Variants in CRYBG1 observed in about 807,000 individuals in gnomAD.
CRYBG1 encodes the protein crystallin beta-gamma domain containing 1, also known as beta/gamma crystallin domain-containing protein 1.
Under a neutral mutation model 189.2 loss-of-function variants are expected in CRYBG1, and 139 were observed. The ratio of observed to expected loss-of-function variants is 0.73; its 90% CI spans 0.64 to 0.85. CRYBG1 has a LOEUF of 0.85. Among genes scored for constraint, CRYBG1 ranks in the 40% least tolerant of loss-of-function variants. The pLI is 0.00. For missense variants in CRYBG1, 2,611 were observed against 2,675.8 expected (o/e 0.98, Z 0.53); for synonymous variants, 1,023 against 1,017.1 (o/e 1.01, Z -0.11).
intron 1 of CRYBG1, among the ~76,000 whole-genome samples, chr6:106,432,699 G>A (rs772605642): frequency 4.6e-5 from 7 of 152,174 alleles, no homozygotes; most frequent in Non-Finnish European, 8.8e-5. Context: ...TGCCCACCAC[G>A]TGCACCTCCG....
Position 106,520,900 on chromosome 6 carries a change from G to A in CRYBG1, c.3692G>A (p.Gly1231Asp), listed in dbSNP as rs1292648038. ...GAGAACAGGGACGTCACAAATGGTG[G>A]CATTAAGAGATCGAGACTAGAAAAA... is the stretch of plus-strand genomic sequence containing the variant. Reference protein sequence around the residue: ...DKENRDVTNGGIKRSRLEKSA... With the variant: ...DKENRDVTNGDIKRSRLEKSA... Residue 1231 changes from glycine to aspartate, a missense_variant, in exon 4 of 22, where the codon GGC becomes GAC. By Grantham distance (94) the Gly-to-Asp change is moderately conservative. Around this residue, in one of 3 missense-constraint regions of CRYBG1, gnomAD observed 1,622 missense variants for 1,735.0 expected, o/e 0.93. Transcript: ENST00000633556. 2.5e-6 allele frequency: 4 copies of A among 1,614,146 alleles called. No individual in the cohort carries two copies. The South Asian group carries it at 3.3e-5, about 13-fold the overall frequency.
At chr6:106,436,046 A>T (rs1185210151) in intron 1 of CRYBG1, among the ~76,000 whole-genome samples, 2 of 152,246 alleles carry the variant, frequency 1.3e-5, no homozygotes, top group East Asian at 3.8e-4. Context: ...CTGTTCCATC[A>T]TCGGAGTTTT....
chr6:106,547,618 G>T (rs1473952792), intron 13 of CRYBG1, among the ~76,000 whole-genome samples: 3 of 152,126 alleles, frequency 2.0e-5, no homozygotes, highest in African/African-American at 7.2e-5. Flanking sequence ...TATTTTTATT[G>T]GCAATTAAGT....
intron 1 of CRYBG1, among the ~76,000 whole-genome samples, chr6:106,402,993 A>G (rs1770750946): frequency 6.6e-6 from 1 of 152,222 alleles, no homozygotes; most frequent in African/African-American, 2.4e-5. Context: ...TATCTAGAAC[A>G]TTAACGCACA....
At position 106,527,339 on chromosome 6, in the gene CRYBG1, C is replaced by T. The variant is rs756174128; in HGVS notation, c.4447C>T (p.His1483Tyr). ...GTATGAGCAACCAAATTTTGAAGGG[C>T]ACTCCATCCCCTTAGAAGAAGGAGA... ...ILYEQPNFEGHSIPLEEGELE... is the reference protein window; with the variant it reads ...ILYEQPNFEGYSIPLEEGELE... Residue 1483 changes from histidine (H) to tyrosine (Y), a missense_variant, in exon 7 of 22, where the codon CAC becomes TAC. His to Tyr is a moderately conservative substitution (Grantham distance 83). This residue lies in a region of CRYBG1 where 1,622 missense variants were observed against 1,735.0 expected (regional missense o/e 0.93). Transcript: ENST00000633556. 4.3e-6 allele frequency: 7 copies of T among 1,611,592 alleles called. No homozygotes were observed. The South Asian group carries it at 7.7e-5, about 18-fold the overall frequency.
At chr6:106,459,598 C>G (rs1480446092) in intron 2 of CRYBG1, among the ~76,000 whole-genome samples, 1 of 147,596 alleles carries the variant, frequency 6.8e-6, no homozygotes, top group Non-Finnish European at 1.5e-5. Context: ...CCATGTCAGT[C>G]TCTATAAAAA....
At chr6:106,470,098 C>T (rs1772199820) in intron 2 of CRYBG1, among the ~76,000 whole-genome samples, 1 of 152,184 alleles carries the variant, frequency 6.6e-6, no homozygotes, top group Non-Finnish European at 1.5e-5. Context: ...TGCAGTCACT[C>T]CTCTCCAGTC....
chr6:106,562,189 G>A (rs983892143), intron 20 of CRYBG1, among the ~76,000 whole-genome samples: 15 of 152,300 alleles, frequency 9.8e-5, no homozygotes, highest in South Asian at 8.3e-4. Context: ...ACAGCCTTGC[G>A]AAAAGGAGTA....
chr6:106,399,965 C>T (rs1249925246), intron 1 of CRYBG1, among the ~76,000 whole-genome samples: 3 of 151,548 alleles, frequency 2.0e-5, no homozygotes, highest in Admixed American at 2.0e-4. Flanking sequence ...GGTGAAACCC[C>T]GTCTATACTA....
At chr6:106,516,292 G>A (rs911053990) in intron 3 of CRYBG1, among the ~76,000 whole-genome samples, 2 of 151,328 alleles carry the variant, frequency 1.3e-5, no homozygotes, top group African/African-American at 4.9e-5. Context: ...GGAGTGTAGT[G>A]GCACAATCTT....
At chr6:106,502,592 T>G (rs1328335947) in intron 2 of CRYBG1, among the ~76,000 whole-genome samples, 1 of 152,186 alleles carries the variant, frequency 6.6e-6, no homozygotes, top group Non-Finnish European at 1.5e-5. Flanking sequence ...TAAAGCAAAT[T>G]AATTCAGCCG....
chr6:106,403,965 G>A (rs935592630), intron 1 of CRYBG1, among the ~76,000 whole-genome samples: 2 of 152,206 alleles, frequency 1.3e-5, no homozygotes, highest in Non-Finnish European at 2.9e-5. Flanking sequence ...AAGGATGTTA[G>A]GCATTCTAGA....
At position 106,478,696 on chromosome 6, in the gene CRYBG1, CAGG is replaced by C. The variant is rs562868907; in HGVS notation, c.312+26868_312+26870del. Among the ~76,000 whole-genome samples, 534 of 152,368 alleles carry C rather than the reference CAGG, an allele frequency of 3.5e-3. 1 individual carries two copies. The highest frequency in any genetic ancestry group is 5.3e-3 in the Non-Finnish European group (358 of 68,036). ...ACCTGTTAGGAACTGGGCTGCACAG[CAGG>C]AGGTGAGCGATGGGCATGCAAGCAA... On this transcript the variant is annotated intron_variant, in intron 2 of 21. Coordinates refer to ENST00000633556, the MANE Select transcript of CRYBG1 (RefSeq NM_001371242.2).
intron 2 of CRYBG1, among the ~76,000 whole-genome samples, chr6:106,466,709 C>T (rs1340617): frequency 0.06 from 9,166 of 152,146 alleles, 498 homozygotes; most frequent in East Asian, 0.21. Context: ...GGAAAGGTAT[C>T]AGAATCAAGG....
At chr6:106,556,267 T>C (rs2114591404) in intron 17 of CRYBG1, among the ~76,000 whole-genome samples, 1 of 152,334 alleles carries the variant, frequency 6.6e-6, no homozygotes, top group African/African-American at 2.4e-5. Flanking sequence ...TACTGAATAT[T>C]CTCTCATTCT....
intron 2 of CRYBG1, among the ~76,000 whole-genome samples, chr6:106,492,134 C>T (rs1180322149): frequency 6.6e-6 from 1 of 152,178 alleles, no homozygotes; most frequent in Non-Finnish European, 1.5e-5. Flanking sequence ...TAAAGCATTA[C>T]GCATATCTCA....
chr6:106,557,974 G>A (rs1169098207), intron 17 of CRYBG1, among the ~76,000 whole-genome samples: 1 of 151,788 alleles, frequency 6.6e-6, no homozygotes, highest in Non-Finnish European at 1.5e-5. Flanking sequence ...GAAAGTTTGG[G>A]AGCATGAGTA....
At position 106,409,375 on chromosome 6, in the gene CRYBG1, G is replaced by A. The variant is rs144937368; in HGVS notation, c.174-42319G>A. 5.7e-3 allele frequency among the ~76,000 whole-genome samples: 872 copies of A among 152,028 alleles called. 10 individuals are homozygous for A. The highest frequency in any genetic ancestry group is 0.02 in the African/African-American group (841 of 41,484). On this transcript the variant is annotated intron_variant, in intron 1 of 21. Coordinates refer to ENST00000633556, the MANE Select transcript of CRYBG1 (RefSeq NM_001371242.2). ...CCACTGCTCAAGGAAATAAGAGAGGGCACAAACAAATGGAAAAACATTCCA... is the reference window on the plus strand; with the variant it reads ...CCACTGCTCAAGGAAATAAGAGAGGACACAAACAAATGGAAAAACATTCCA...
chr6:106,491,885 C>A lies in CRYBG1; in HGVS notation c.313-19545C>A, dbSNP rs116465973. On this transcript the variant is annotated intron_variant, in intron 2 of 21. Coordinates refer to ENST00000633556, the MANE Select transcript of CRYBG1 (RefSeq NM_001371242.2). ...TCTCAAGGCTTTCCCCAAACGAGAT[C>A]AATCATACTTATTCAACCTCCCATA... 1.6e-3 allele frequency among the ~76,000 whole-genome samples: 250 copies of A among 152,298 alleles called. 1 individual carries two copies. Among genetic ancestry groups the A allele is most frequent in the African/African-American group, 5.8e-3 (240 of 41,574 alleles).
Sources: allele counts gnomAD v4.1 joint callset (sites outside exome capture counted in the v4.1 genomes callset), GRCh38; gene constraint gnomAD v4.1.1; regional missense constraint gnomAD v4.1.1; transcripts MANE v1.5; gene names NCBI Gene and HGNC (gene_info 2026-07-23, HGNC 2026-07-21).